The following FREM3 variants were observed in gnomAD, a reference collection of about 807,000 sequenced individuals.
FREM3 encodes the protein FRAS1 related extracellular matrix 3.
A neutral mutation model predicts 129.1 loss-of-function variants in FREM3; 105 were observed. The observed-to-expected ratio is 0.81, with a 90% CI of 0.69 to 0.96. The LOEUF (loss-of-function observed/expected upper bound fraction) is 0.96. FREM3 is among the 40% of genes least tolerant of loss of function. The pLI is 0.00. For missense variants in FREM3, 2,593 were observed against 2,666.3 expected (o/e 0.97, Z 0.61); for synonymous variants, 1,014 against 1,044.9 (o/e 0.97, Z 0.57).
chr4:143,601,187 A>T (rs1388973315), intron 6 of FREM3, among the ~76,000 whole-genome samples: 1 of 152,158 alleles, frequency 6.6e-6, no homozygotes, highest in Non-Finnish European at 1.5e-5. Flanking sequence ...CATTTTAAAA[A>T]CTTTTATGTG....
At position 143,667,387 on chromosome 4, in the gene FREM3, G is replaced by A. The variant is rs567714835; in HGVS notation, c.5275+25726C>T. Among the ~76,000 whole-genome samples, 13 of 152,032 alleles carry A rather than the reference G, an allele frequency of 8.6e-5. No homozygotes were observed. The South Asian group carries it at 2.7e-3, about 32-fold the overall frequency. On this transcript the variant is annotated intron_variant, in intron 2 of 7. Coordinates refer to ENST00000329798, the MANE Select transcript of FREM3 (RefSeq NM_001168235.2). Reference sequence around the variant, plus strand: ...AACTGAGAATCTAATGCTGGGCAGTGTTTATTAAATTAACATTTCATATTA... The same window carrying A: ...AACTGAGAATCTAATGCTGGGCAGTATTTATTAAATTAACATTTCATATTA...
At chr4:143,680,624 T>C (rs1740232287) in intron 2 of FREM3, among the ~76,000 whole-genome samples, 1 of 152,172 alleles carries the variant, frequency 6.6e-6, no homozygotes, top group Non-Finnish European at 1.5e-5. Flanking sequence ...CCACTGTTTT[T>C]ATTTAAAATA....
intron 2 of FREM3, among the ~76,000 whole-genome samples, chr4:143,633,785 T>G (rs1189637930): frequency 6.6e-6 from 1 of 152,184 alleles, no homozygotes; most frequent in Non-Finnish European, 1.5e-5. Flanking sequence ...ATATAATTAC[T>G]TTGAAGTCAA....
Position 143,698,477 on chromosome 4 carries a change from C to T in FREM3, c.2199G>A (p.Gln733=). 6.5e-7 allele frequency: 1 copy of T among 1,537,762 alleles called. No homozygotes were observed. The change falls in exon 1 of 8, where the codon CAG becomes CAA. Residue 733 remains glutamine (Q), a synonymous_variant. Transcript: ENST00000329798. ...FQKNFLRYID[Q]DSDDQNLWYT... is the part of the protein sequence containing the mutation. ...ACCATAGGTTCTGGTCATCAGAGTC[C>T]TGGTCAATGTATCGGAGGAAATTCT...
intron 6 of FREM3, among the ~76,000 whole-genome samples, chr4:143,608,669 C>T (rs1738704597): frequency 6.6e-6 from 1 of 152,150 alleles, no homozygotes; most frequent in Admixed American, 6.5e-5. Context: ...ATATAATGCA[C>T]TTGCTTATCA....
chr4:143,637,519 A>G (rs1739253314), intron 2 of FREM3, among the ~76,000 whole-genome samples: 1 of 151,612 alleles, frequency 6.6e-6, no homozygotes, highest in Non-Finnish European at 1.5e-5. Flanking sequence ...CTTTTGCTTA[A>G]TTCACTTCTA....
chr4:143,671,473 A>G (rs1265897269), intron 2 of FREM3, among the ~76,000 whole-genome samples: 3 of 152,196 alleles, frequency 2.0e-5, no homozygotes, highest in African/African-American at 7.2e-5. Context: ...AGCTATGTGT[A>G]CTAGTTACAC....
At chr4:143,615,299 T>G (rs58464512) in intron 5 of FREM3, among the ~76,000 whole-genome samples, 7,021 of 152,316 alleles carry the variant, frequency 0.046, 440 homozygotes, top group African/African-American at 0.14. Flanking sequence ...TTTAGTTGTT[T>G]GTTTAGTTGA....
At chr4:143,677,173 T>C (rs1296315866) in intron 2 of FREM3, among the ~76,000 whole-genome samples, 1 of 152,216 alleles carries the variant, frequency 6.6e-6, no homozygotes, top group Non-Finnish European at 1.5e-5. Context: ...CAAAACAGCA[T>C]GGTACTGGTA....
chr4:143,627,787 G>A (rs1031974611), intron 2 of FREM3, 27 bp from the exon 3 acceptor site: 7 of 1,496,582 alleles, frequency 4.7e-6, no homozygotes, highest in Non-Finnish European at 6.3e-6. Flanking sequence ...CAAAGGAAAA[G>A]TCAGCTGGAG....
At chr4:143,597,037 TG>T (rs1738496185) in intron 6 of FREM3, among the ~76,000 whole-genome samples, 1 of 152,100 alleles carries the variant, frequency 6.6e-6, no homozygotes, top group Non-Finnish European at 1.5e-5. Context: ...TCGTCTACTA[TG>T]GATGAATAAA....
At chr4:143,676,652 C>G (rs2091090761) in intron 2 of FREM3, among the ~76,000 whole-genome samples, 1 of 152,180 alleles carries the variant, frequency 6.6e-6, no homozygotes, top group Non-Finnish European at 1.5e-5. Context: ...CCCATTGTCT[C>G]AGCCCAAAAT....
intron 2 of FREM3, among the ~76,000 whole-genome samples, chr4:143,673,916 G>A (rs1419748823): frequency 6.6e-6 from 1 of 152,256 alleles, no homozygotes; most frequent in East Asian, 1.9e-4. Context: ...ATCTCCTGGT[G>A]TGCCATTTGC....
At chr4:143,638,448 A>T (rs1184420735) in intron 2 of FREM3, among the ~76,000 whole-genome samples, 3 of 152,172 alleles carry the variant, frequency 2.0e-5, no homozygotes. Context: ...GGTTGAAACA[A>T]ACTCTTTATT....
chr4:143,581,117 C>G (rs964127806), intron 7 of FREM3, among the ~76,000 whole-genome samples: 1 of 152,304 alleles, frequency 6.6e-6, no homozygotes, highest in South Asian at 2.1e-4. Flanking sequence ...CAGCCCAGTG[C>G]AGCAGGATTA....
At chr4:143,663,227 G>C (rs1399760950) in intron 2 of FREM3, among the ~76,000 whole-genome samples, 1 of 152,106 alleles carries the variant, frequency 6.6e-6, no homozygotes, top group African/African-American at 2.4e-5. Context: ...GGTACCGGTT[G>C]TTCCTTTCCA....
chr4:143,689,661 G>C (rs1740430387), intron 2 of FREM3, among the ~76,000 whole-genome samples: 1 of 151,540 alleles, frequency 6.6e-6, no homozygotes, highest in African/African-American at 2.4e-5. Flanking sequence ...AGTGGATAAA[G>C]AAACTGTGAT....
intron 2 of FREM3, among the ~76,000 whole-genome samples, chr4:143,688,635 C>A (rs566628969): frequency 6.6e-6 from 1 of 152,244 alleles, no homozygotes; most frequent in South Asian, 2.1e-4. Flanking sequence ...TACTATAAGG[C>A]CATAGTCACT....
intron 2 of FREM3, among the ~76,000 whole-genome samples, chr4:143,649,765 G>A (rs569326260): frequency 2.0e-5 from 3 of 152,174 alleles, no homozygotes; most frequent in African/African-American, 7.2e-5. Context: ...TGCTACAATG[G>A]CACTAGATAA....
Sources: gnomAD v4.1 joint callset for allele counts (sites outside exome capture counted in the v4.1 genomes callset) on GRCh38, gnomAD v4.1.1 for gene constraint, MANE v1.5 for transcripts, NCBI Gene and HGNC (gene_info 2026-07-23, HGNC 2026-07-21) for gene names.